Variants in CAMKK2 observed in about 807,000 individuals in gnomAD.
CAMKK2 encodes calcium/calmodulin-dependent protein kinase kinase 2.
A neutral mutation model predicts 67.2 loss-of-function variants in CAMKK2; 30 were observed. That is an observed-to-expected ratio of 0.45 (90% CI 0.33 to 0.61). CAMKK2 has a LOEUF of 0.61. CAMKK2 is among the 20% of genes least tolerant of loss of function. CAMKK2 has a pLI of 0.02. For missense variants in CAMKK2, 643 were observed against 802.0 expected, an observed-to-expected ratio of 0.80 and a Z score of 2.39; for synonymous variants, 322 against 326.2, an observed-to-expected ratio of 0.99 and a Z score of 0.14.
At chr12:121,267,022 C>CT (rs58762246) in intron 5 of CAMKK2, among the ~76,000 whole-genome samples, 46 of 30,770 alleles carry the variant, frequency 1.5e-3, no homozygotes, top group African/African-American at 3.2e-3. Flanking sequence ...GTGCTCTGGC[C>CT]TTTTTTTTTT....
rs953929146 is a variant in CAMKK2, at chr12:121,289,667, C to T, written c.-60+6971G>A. Among the ~76,000 whole-genome samples the T allele has an allele frequency of 3.3e-5, 5 of 152,096 alleles. No individual in the cohort carries two copies. In the South Asian group the frequency reaches 6.2e-4, roughly 19 times the overall value. ...CAGCACTTTCGGAGACTGAGGCGGG[C>T]GGATCACCTGAGGTCAGGAGTTCGA... On this transcript the variant is annotated intron_variant, in intron 1 of 16. Transcript: ENST00000404169.
chr12:121,243,545 A>C (rs901055139), intron 16 of CAMKK2: 1 of 153,238 alleles, frequency 6.5e-6, no homozygotes, highest in African/African-American at 2.4e-5. Context: ...TGAACCTTGA[A>C]AACATGATGC....
At chr12:121,249,751 A>G (rs1213447408) in intron 13 of CAMKK2, 36 bp downstream of exon 13, 2 of 1,583,318 alleles carry the variant, frequency 1.3e-6, no homozygotes, top group African/African-American at 1.3e-5. Flanking sequence ...GAGCCAAACA[A>G]TTCCGAGCAC....
Position 121,274,588 on chromosome 12 carries a change from G to T in CAMKK2, c.-59-3C>A. Reference sequence around the variant, plus strand: ...CTCCCATCCGGCAGCGGAGCCACCTGCAGAAAGAGAAAGGGTCAGCTGGCC... The same window carrying T: ...CTCCCATCCGGCAGCGGAGCCACCTTCAGAAAGAGAAAGGGTCAGCTGGCC... On this transcript the variant is annotated splice_polypyrimidine_tract_variant and splice_region_variant and intron_variant, in intron 1 of 16. Transcript: ENST00000404169. 2 of 1,218,298 alleles carry T rather than the reference G, an allele frequency of 1.6e-6. No individual in the cohort carries two copies. The highest frequency in any genetic ancestry group is 2.3e-6 in the Non-Finnish European group (2 of 877,250). 75.5% of individuals were successfully genotyped at this position (1,218,298 alleles called of 1,614,324 possible).
intron 7 of CAMKK2, among the ~76,000 whole-genome samples, chr12:121,258,851 T>C (rs950530253): frequency 1.1e-4 from 16 of 151,208 alleles, no homozygotes; most frequent in African/African-American, 3.9e-4. Flanking sequence ...AATTTTTTTT[T>C]TTTTTTTTTT....
intron 6 of CAMKK2, among the ~76,000 whole-genome samples, chr12:121,262,294 C>T (rs1360490475): frequency 6.6e-6 from 1 of 152,090 alleles, no homozygotes; most frequent in Non-Finnish European, 1.5e-5. Flanking sequence ...GGCTGGATCA[C>T]GAGTTCAGGA....
chr12:121,284,328 T>G (rs1200171077), intron 1 of CAMKK2, among the ~76,000 whole-genome samples: 1 of 152,214 alleles, frequency 6.6e-6, no homozygotes, highest in Non-Finnish European at 1.5e-5. Flanking sequence ...TATTTTTATT[T>G]ATTTACTTAT....
intron 2 of CAMKK2, 90 bp downstream of exon 2, chr12:121,273,966 G>C: frequency 2.8e-6 from 3 of 1,055,404 alleles, no homozygotes; most frequent in South Asian, 1.9e-5. Flanking sequence ...AGATCCTTCT[G>C]GGGGAGCCCA....
intron 1 of CAMKK2, among the ~76,000 whole-genome samples, chr12:121,291,989 G>C (rs1372493362): frequency 6.6e-6 from 1 of 151,918 alleles, no homozygotes; most frequent in African/African-American, 2.4e-5. Flanking sequence ...CCAGGAGCTG[G>C]AGGTTGCAGT....
At chr12:121,294,694 C>T (rs1900785913) in intron 1 of CAMKK2, among the ~76,000 whole-genome samples, 1 of 152,164 alleles carries the variant, frequency 6.6e-6, no homozygotes, top group Non-Finnish European at 1.5e-5. Flanking sequence ...TAAAATGGGG[C>T]TAAATCCTAG....
chr12:121,249,610 G>A (rs1035738462), intron 13 of CAMKK2, among the ~76,000 whole-genome samples, 177 bp downstream of exon 13: 2 of 152,132 alleles, frequency 1.3e-5, no homozygotes, highest in African/African-American at 4.8e-5. Context: ...TGCACACAAT[G>A]CCCAAATCTT....
At chr12:121,272,578 T>C (rs1895980102) in intron 2 of CAMKK2, among the ~76,000 whole-genome samples, 1 of 151,832 alleles carries the variant, frequency 6.6e-6, no homozygotes, top group African/African-American at 2.4e-5. Flanking sequence ...AATCAGCCCC[T>C]TTGGCAGTGC....
At chr12:121,279,087 A>G (rs1374812242) in intron 1 of CAMKK2, among the ~76,000 whole-genome samples, 1 of 151,716 alleles carries the variant, frequency 6.6e-6, no homozygotes, top group Non-Finnish European at 1.5e-5. Flanking sequence ...TGCTTATCGA[A>G]CTCTACACCA....
At chr12:121,250,142 A>C in intron 11 of CAMKK2, 108 bp from the exon 12 acceptor site, 4 of 854,588 alleles carry the variant, frequency 4.7e-6, no homozygotes, top group Non-Finnish European at 7.6e-6. Context: ...GAAATCAACA[A>C]TTGCGGCCCA....
Position 121,274,151 on chromosome 12 carries a change from G to A in CAMKK2, c.376C>T (p.Leu126=). ...DMNGRCICPS[L]PYSPVSSPQS... is the part of the protein sequence containing the mutation. ...GGGGAGCTGACGGGTGAGTAGGGCA[G>A]GGACGGGCAGATGCAGCGTCCGTTC... The change falls in exon 2 of 17, where the codon CTG becomes TTG. Residue 126 remains leucine, a synonymous_variant. Coordinates refer to ENST00000404169, the MANE Select transcript of CAMKK2 (RefSeq NM_001270485.2). The A allele has an allele frequency of 1.3e-6, 2 of 1,593,350 alleles. No individual in the cohort carries two copies. Among genetic ancestry groups the A allele is most frequent in the Non-Finnish European group, 1.7e-6 (2 of 1,168,250 alleles).
intron 14 of CAMKK2, among the ~76,000 whole-genome samples, chr12:121,246,392 A>G (rs1278178639): frequency 6.6e-6 from 1 of 151,930 alleles, no homozygotes; most frequent in East Asian, 1.9e-4. Context: ...CTAAAAATAC[A>G]AAAATTAGCT....
At chr12:121,267,125 T>C (rs1336370786) in intron 5 of CAMKK2, among the ~76,000 whole-genome samples, 1 of 141,640 alleles carries the variant, frequency 7.1e-6, no homozygotes, top group Admixed American at 7.2e-5. Flanking sequence ...TTTTTTTTTT[T>C]GAGAGATGGA....
At chr12:121,264,164 C>T (rs868215393) in intron 5 of CAMKK2, among the ~76,000 whole-genome samples, 5 of 152,230 alleles carry the variant, frequency 3.3e-5, no homozygotes, top group Non-Finnish European at 7.3e-5. Context: ...TTCCCTCCTT[C>T]CCGTCACATC....
rs200830546 is a variant in CAMKK2 at position 121,255,803 on chromosome 12, C to T, written c.798G>A (p.Val266=). 6 of 1,613,956 alleles carry T rather than the reference C, an allele frequency of 3.7e-6. No individual in the cohort carries two copies. The highest frequency in any genetic ancestry group is 4.2e-6 in the Non-Finnish European group (5 of 1,179,908). The stretch of plus-strand genomic sequence containing the variant: ...CTCACCCTTGGTTGACCAGTTCGAA[C>T]ACTGTAGGGAAGAAAAGGGTGAAAC... ...DDPNEDHLYM[V]FELVNQGPVM... The change falls in exon 8 of 17, where the codon GTG becomes GTA. Residue 266 remains valine (V), a splice_region_variant and synonymous_variant. Coordinates refer to ENST00000404169, the MANE Select transcript of CAMKK2 (RefSeq NM_001270485.2).
Sources: gnomAD v4.1 joint callset for allele counts (sites outside exome capture counted in the v4.1 genomes callset) on GRCh38, gnomAD v4.1.1 for gene constraint, MANE v1.5 for transcripts, NCBI Gene and HGNC (gene_info 2026-07-23, HGNC 2026-07-21) for gene names.